LRP1B: variants seen among roughly 807,000 people sequenced by gnomAD.
LRP1B encodes the protein low-density lipoprotein receptor-related protein 1B.
Under a neutral mutation model 556.6 loss-of-function variants are expected in LRP1B, and 217 were observed. The observed-to-expected ratio is 0.39, with a 90% CI of 0.35 to 0.44. The LOEUF (loss-of-function observed/expected upper bound fraction) is 0.44, where lower values mean the gene tolerates loss of function less well. Among genes scored for constraint, LRP1B ranks in the 20% least tolerant of loss-of-function variants. LRP1B has a pLI of 1.00. For synonymous variants in LRP1B, 2,047 were observed against 1,865.8 expected, an observed-to-expected ratio of 1.10 and a Z score of -2.50; for missense variants, 5,053 against 5,620.8, an observed-to-expected ratio of 0.90 and a Z score of 3.23.
In LRP1B at chr2:141,351,523, C is replaced by G. The variant is rs116651625; in HGVS notation, c.344-96882G>C. Reference sequence around the variant, plus strand: ...TTAATTCAGTACAAGGCCTATTTCTCTCAGGAAGTTTTCCCTGACGACCAG... The same window carrying G: ...TTAATTCAGTACAAGGCCTATTTCTGTCAGGAAGTTTTCCCTGACGACCAG... On this transcript the variant is annotated intron_variant, in intron 3 of 90. Coordinates refer to ENST00000389484, the MANE Select transcript of LRP1B (RefSeq NM_018557.3). Among the ~76,000 whole-genome samples the G allele has an allele frequency of 1.2e-3, 185 of 152,142 alleles. 1 individual carries two copies. The highest frequency in any genetic ancestry group is 4.0e-3 in the African/African-American group (165 of 41,512).
chr2:141,035,361 T>C (rs1218164609), intron 11 of LRP1B, among the ~76,000 whole-genome samples: 2 of 151,038 alleles, frequency 1.3e-5, no homozygotes, highest in African/African-American at 4.9e-5. Context: ...ACAATAATAA[T>C]AATAATAATA....
At chr2:140,251,191 T>G (rs2104906687) in intron 86 of LRP1B, among the ~76,000 whole-genome samples, 1 of 151,980 alleles carries the variant, frequency 6.6e-6, no homozygotes, top group African/African-American at 2.4e-5. Flanking sequence ...TAAGCGCTTT[T>G]AGAATATCAA....
intron 3 of LRP1B, among the ~76,000 whole-genome samples, chr2:141,284,388 G>A (rs1025960282): frequency 4.6e-5 from 7 of 152,202 alleles, no homozygotes; most frequent in African/African-American, 1.7e-4. Flanking sequence ...TCTGGTGGCA[G>A]TGTGAAAGAA....
chr2:140,682,723 G>A (rs1685905571), intron 41 of LRP1B, among the ~76,000 whole-genome samples: 1 of 150,462 alleles, frequency 6.6e-6, no homozygotes, highest in Non-Finnish European at 1.5e-5. Flanking sequence ...GTGAAAGAAA[G>A]AGCTAAACTG....
chr2:140,550,806 TA>T (rs1347271973), intron 43 of LRP1B, among the ~76,000 whole-genome samples: 1 of 152,192 alleles, frequency 6.6e-6, no homozygotes, highest in Non-Finnish European at 1.5e-5. Context: ...AAGTCATCTG[TA>T]ATAGTATTAT....
At chr2:141,464,575 G>A (rs1048985625) in intron 3 of LRP1B, among the ~76,000 whole-genome samples, 2 of 115,850 alleles carry the variant, frequency 1.7e-5, no homozygotes, top group East Asian at 2.5e-4. Flanking sequence ...ACCACGCCTG[G>A]CTAATTTTGT....
intron 1 of LRP1B, among the ~76,000 whole-genome samples, chr2:141,986,824 G>C (rs1432715990): frequency 6.6e-6 from 1 of 151,938 alleles, no homozygotes; most frequent in Non-Finnish European, 1.5e-5. Context: ...CTATGAGTTT[G>C]TCAAAATTAT....
chr2:141,674,467 T>C (rs549279490), intron 2 of LRP1B, among the ~76,000 whole-genome samples: 53 of 152,202 alleles, frequency 3.5e-4, no homozygotes, highest in Middle Eastern at 3.4e-3. Context: ...GATTCCAAGA[T>C]TGTATTCAAT....
intron 66 of LRP1B, among the ~76,000 whole-genome samples, chr2:140,402,967 T>A (rs1044648570): frequency 6.6e-6 from 1 of 152,180 alleles, no homozygotes; most frequent in Non-Finnish European, 1.5e-5. Context: ...ACACATCAAG[T>A]ACATTGCTAC....
intron 6 of LRP1B, among the ~76,000 whole-genome samples, chr2:141,208,872 G>A (rs1461877791): frequency 5.1e-5 from 3 of 58,340 alleles, no homozygotes; most frequent in African/African-American, 2.4e-4. Flanking sequence ...CTGAGATTCC[G>A]TCTCAAAAAA....
chr2:140,237,798 C>T (rs1020585470), intron 89 of LRP1B, among the ~76,000 whole-genome samples: 2 of 150,702 alleles, frequency 1.3e-5, no homozygotes, highest in South Asian at 4.2e-4. Flanking sequence ...AAGACCTAAA[C>T]AATTTGCTGT....
chr2:141,882,083 T>C (rs1346768619), intron 1 of LRP1B, among the ~76,000 whole-genome samples: 1 of 152,022 alleles, frequency 6.6e-6, no homozygotes, highest in Non-Finnish European at 1.5e-5. Flanking sequence ...ATTCCTAAAA[T>C]TGCATTACAA....
chr2:140,642,412 T>C (rs1559026205), intron 41 of LRP1B, among the ~76,000 whole-genome samples: 1 of 152,160 alleles, frequency 6.6e-6, no homozygotes, highest in Non-Finnish European at 1.5e-5. Context: ...CCCAATATAC[T>C]TTTAGGTTCC....
intron 35 of LRP1B, among the ~76,000 whole-genome samples, chr2:140,736,433 CA>C (rs1435856555): frequency 3.3e-5 from 5 of 151,994 alleles, no homozygotes; most frequent in Non-Finnish European, 7.4e-5. Context: ...AATCCTAAGC[CA>C]AAAGAGCAAA....
intron 7 of LRP1B, among the ~76,000 whole-genome samples, chr2:141,084,721 C>T (rs1427568837): frequency 2.6e-5 from 4 of 151,088 alleles, no homozygotes; most frequent in African/African-American, 9.8e-5. Flanking sequence ...GCGATCTCGG[C>T]TCACTGCAAG....
At position 140,771,154 on chromosome 2, in the gene LRP1B, T is replaced by C. The variant is rs1419648059; in HGVS notation, c.5501-148A>G. ...TGGTTAAAGATTACGCTTTATTCTC[T>C]TGAATAATTTAAAGTAGTAAATTAT... On this transcript the variant is annotated intron_variant, in intron 33 of 90. Coordinates refer to ENST00000389484, the MANE Select transcript of LRP1B (RefSeq NM_018557.3). 7 of 555,982 alleles carry C rather than the reference T, an allele frequency of 1.3e-5. No individual in the cohort carries two copies. The African/African-American group carries it at 1.4e-4, about 11-fold the overall frequency. The allele number at this position is 555,982 out of a possible 1,614,324, so 34.4% of individuals were successfully genotyped here.
chr2:141,077,728 G>A (rs374362051), intron 7 of LRP1B, among the ~76,000 whole-genome samples: 124 of 152,190 alleles, frequency 8.1e-4, no homozygotes, highest in African/African-American at 2.4e-3. Flanking sequence ...CTTCCCTTCC[G>A]GATTGCCTGC....
intron 31 of LRP1B, among the ~76,000 whole-genome samples, chr2:140,821,489 C>T (rs1691327153): frequency 1.3e-5 from 2 of 152,040 alleles, no homozygotes; most frequent in South Asian, 4.1e-4. Flanking sequence ...ATATCAATAA[C>T]AGAAATGCAT....
intron 35 of LRP1B, among the ~76,000 whole-genome samples, chr2:140,738,330 T>G (rs1688018320): frequency 6.6e-6 from 1 of 151,886 alleles, no homozygotes; most frequent in African/African-American, 2.4e-5. Flanking sequence ...AGGTGGTCGG[T>G]GGGTGGGCAG....
Sources: gnomAD v4.1 joint callset for allele counts (sites outside exome capture counted in the v4.1 genomes callset) on GRCh38, gnomAD v4.1.1 for gene constraint, MANE v1.5 for transcripts, NCBI Gene and HGNC (gene_info 2026-07-23, HGNC 2026-07-21) for gene names.